Variants in MTCL1 observed in about 807,000 individuals in gnomAD.
MTCL1 encodes microtubule cross-linking factor 1.
MTCL1 carries 79 observed loss-of-function variants against 141.4 expected under a neutral mutation model. The ratio of observed to expected loss-of-function variants is 0.56; its 90% CI spans 0.47 to 0.67. The LOEUF is 0.67. Among genes scored for constraint, MTCL1 ranks in the 30% least tolerant of loss-of-function variants. The pLI, the probability that MTCL1 is intolerant of heterozygous loss-of-function variation, is 0.00. For missense variants in MTCL1, 2,177 were observed against 2,113.9 expected (o/e 1.03, Z -0.59); for synonymous variants, 914 against 875.8 (o/e 1.04, Z -0.77).
At chr18:8,706,689 G>C (rs2096059568) in exon 1 of MTCL1, 1 of 1,546,202 alleles carries the variant, frequency 6.5e-7, no homozygotes, top group African/African-American at 1.4e-5. Flanking sequence ...TGGAGGAGCT[G>C]CGCTCGGAGA....
intron 7 of MTCL1, chr18:8,786,616 C>G (rs958603885): frequency 8.9e-6 from 3 of 337,778 alleles, no homozygotes; most frequent in African/African-American, 4.3e-5. Context: ...ACCACAGTAA[C>G]CCGGTATACA....
At chr18:8,754,030 G>A (rs1328079795) in intron 4 of MTCL1, among the ~76,000 whole-genome samples, 4 of 152,048 alleles carry the variant, frequency 2.6e-5, no homozygotes, top group East Asian at 1.9e-4. Context: ...ACAGACTTAC[G>A]TGACAAGCAA....
chr18:8,752,474 A>T (rs2096376672), intron 4 of MTCL1, among the ~76,000 whole-genome samples: 3 of 152,108 alleles, frequency 2.0e-5, no homozygotes, highest in Admixed American at 2.0e-4. Context: ...ATTTGAAGGA[A>T]AGTTTTAAGA....
exon 15 of MTCL1, chr18:8,825,318 C>A: frequency 1.3e-6 from 2 of 1,538,784 alleles, no homozygotes; most frequent in Non-Finnish European, 1.7e-6. Flanking sequence ...GTTTGCCTCC[C>A]CACTGCACAG....
In MTCL1 at chr18:8,784,055, C is replaced by T. The variant is rs780158820; in HGVS notation, c.943C>T (p.Arg315Trp). 3.1e-5 allele frequency: 50 copies of T among 1,613,308 alleles called. No homozygotes were observed. In the African/African-American group the frequency reaches 3.5e-4, roughly 11 times the overall value. ...CAGCAAGTTTAAGTTTGAGCCTCCC[C>T]GGGAGCCGGGCTGGCTAGGAGAGGG... Residue 315 changes from arginine (R) to tryptophan (W), a missense_variant, in exon 6 of 17, where the codon CGG (arginine) becomes TGG (tryptophan). Transcript: ENST00000359865.
At position 8,793,758 on chromosome 18, in the gene MTCL1, C is replaced by T. The variant is rs529157756; in HGVS notation, c.2010+638C>T. 2.0e-5 allele frequency among the ~76,000 whole-genome samples: 3 copies of T among 152,292 alleles called. No homozygotes were observed. The East Asian group carries it at 5.8e-4, about 29-fold the overall frequency. On this transcript the variant is annotated intron_variant, in intron 8 of 16. Transcript: ENST00000359865. ...TCAGAATTGCTGCAGCTGCTCTTCC[C>T]CCGTGTATTTGTTCTTGAAAGATAG...
chr18:8,758,267 C>T (rs538844899), intron 4 of MTCL1, among the ~76,000 whole-genome samples: 1 of 152,222 alleles, frequency 6.6e-6, no homozygotes, highest in Non-Finnish European at 1.5e-5. Flanking sequence ...AGGTGATCCG[C>T]CTGCCTCGGC....
chr18:8,794,788 TAA>T (rs1491291435), intron 8 of MTCL1, among the ~76,000 whole-genome samples: 3 of 152,236 alleles, frequency 2.0e-5, no homozygotes, highest in Admixed American at 1.3e-4. Context: ...TGTAAATGAC[TAA>T]GAGACCAGAG....
Position 8,788,647 on chromosome 18 carries a change from CAT to C in MTCL1, c.1887+2557_1887+2558del, listed in dbSNP as rs551730039. Among the ~76,000 whole-genome samples, 11 of 152,306 alleles carry C rather than the reference CAT, an allele frequency of 7.2e-5. No individual in the cohort carries two copies. The East Asian group carries it at 1.5e-3, about 21-fold the overall frequency. On this transcript the variant is annotated intron_variant, in intron 7 of 16. Coordinates refer to ENST00000359865, the Ensembl canonical transcript of MTCL1. ...AAGAAGTGCATTCTTACACATGACA[CAT>C]GTTAGCAGATTGCAAATCTGGGCAG...
intron 16 of MTCL1, chr18:8,831,406 T>C: frequency 7.1e-7 from 1 of 1,409,128 alleles, no homozygotes; most frequent in Non-Finnish European, 9.2e-7. Flanking sequence ...TCTCTTCCCA[T>C]TCATGTCACT....
At chr18:8,756,143 TAAAG>T (rs995999728) in intron 4 of MTCL1, among the ~76,000 whole-genome samples, 3 of 152,036 alleles carry the variant, frequency 2.0e-5, no homozygotes, top group African/African-American at 7.2e-5. Context: ...TCTAAAAAAA[TAAAG>T]AATAACCATG....
exon 1 of MTCL1, chr18:8,706,507 C>T (rs1267905252): frequency 1.5e-6 from 2 of 1,317,092 alleles, no homozygotes; most frequent in Non-Finnish European, 1.9e-6. Context: ...TCCCGGGGGC[C>T]GGAGCATCCC....
At chr18:8,776,358 C>A (rs768861619) in intron 4 of MTCL1, among the ~76,000 whole-genome samples, 2 of 152,228 alleles carry the variant, frequency 1.3e-5, no homozygotes, top group Non-Finnish European at 2.9e-5. Flanking sequence ...GCTTCTCACT[C>A]CTCATTTCTT....
chr18:8,720,297 A>G, intron 3 of MTCL1, 41 bp from the exon 3 acceptor site: 3 of 1,607,278 alleles, frequency 1.9e-6, no homozygotes, highest in Non-Finnish European at 2.6e-6. Context: ...AGCACACAAA[A>G]AGCCTCATAT....
chr18:8,715,264 G>A (rs938744472), upstream of MTCL1, among the ~76,000 whole-genome samples: 1 of 152,202 alleles, frequency 6.6e-6, no homozygotes, highest in African/African-American at 2.4e-5. Flanking sequence ...ACATTAGGGT[G>A]GATGTGGGCT....
chr18:8,793,104 C>G, exon 8 of MTCL1: 1 of 1,613,980 alleles, frequency 6.2e-7, no homozygotes, highest in South Asian at 1.1e-5. Context: ...GAGACATTTA[C>G]AAACAAGATC....
At chr18:8,709,495 G>A (rs562014034) in intron 1 of MTCL1, among the ~76,000 whole-genome samples, 1 of 152,050 alleles carries the variant, frequency 6.6e-6, no homozygotes, top group Non-Finnish European at 1.5e-5. Flanking sequence ...TGCCTCGTGG[G>A]GTACTTTTTA....
intron 5 of MTCL1, among the ~76,000 whole-genome samples, chr18:8,778,274 T>G (rs2096519532): frequency 6.6e-6 from 1 of 152,224 alleles, no homozygotes; most frequent in African/African-American, 2.4e-5. Context: ...AGACATTGTT[T>G]TGAATGTTGT....
intron 4 of MTCL1, among the ~76,000 whole-genome samples, chr18:8,724,239 G>A (rs1397753027): frequency 6.6e-6 from 1 of 152,014 alleles, no homozygotes; most frequent in African/African-American, 2.4e-5. Context: ...ATGAAATCCT[G>A]TTTCTACTAA....
Sources: allele counts gnomAD v4.1 joint callset (sites outside exome capture counted in the v4.1 genomes callset), GRCh38; gene constraint gnomAD v4.1.1; transcripts MANE v1.5; gene names NCBI Gene and HGNC (gene_info 2026-07-23, HGNC 2026-07-21).